PCDHGB2: variants seen among roughly 807,000 people sequenced by gnomAD.
The protein encoded by PCDHGB2 is protocadherin gamma-B2.
PCDHGB2 carries 55 observed loss-of-function variants against 59.3 expected under a neutral mutation model. The ratio of observed to expected loss-of-function variants is 0.93; its 90% CI spans 0.75 to 1.16. The LOEUF (loss-of-function observed/expected upper bound fraction) is 1.16, where lower values mean the gene tolerates loss of function less well. PCDHGB2 is among the 50% of genes most tolerant of loss of function. The probability of loss-of-function intolerance (pLI) is 0.00; values close to 1 mark genes in which losing one functional copy is unlikely to be tolerated. For synonymous variants in PCDHGB2, 516 were observed against 512.0 expected, an observed-to-expected ratio of 1.01 and a Z score of -0.11; for missense variants, 1,228 against 1,198.5, an observed-to-expected ratio of 1.02 and a Z score of -0.36.
rs1199102847 is a variant in PCDHGB2, at chr5:141,477,997, A to G, written c.2422-16810A>G. 2 of 1,614,112 alleles carry G rather than the reference A, an allele frequency of 1.2e-6. No individual in the cohort carries two copies. Among genetic ancestry groups the G allele is most frequent in the Non-Finnish European group, 1.7e-6 (2 of 1,180,016 alleles). On this transcript the variant is annotated intron_variant, in intron 1 of 3. Coordinates refer to ENST00000522605, the MANE Select transcript of PCDHGB2 (RefSeq NM_018923.3). This position sits in a 1 kb window ranked among gnomAD's most constrained non-coding sequence, Gnocchi z 4.9. ...TTGCCATAGGGCTGCACACTGGTCAAATCAGTACTGCCCGTCCAGTCCAAG... is the reference window on the plus strand; with the variant it reads ...TTGCCATAGGGCTGCACACTGGTCAGATCAGTACTGCCCGTCCAGTCCAAG...
chr5:141,424,365 T>A (rs933291305), intron 1 of PCDHGB2: 7 of 152,246 alleles, frequency 4.6e-5, no homozygotes, highest in African/African-American at 1.7e-4. Context: ...TAGATCACAT[T>A]TTTTCTTAAG....
chr5:141,473,237 A>C (rs2099317600), intron 1 of PCDHGB2, among the ~76,000 whole-genome samples: 1 of 152,194 alleles, frequency 6.6e-6, no homozygotes, highest in African/African-American at 2.4e-5. Context: ...GATCCACACA[A>C]GTGAATACAT....
chr5:141,471,630 G>T (rs2099261496), intron 1 of PCDHGB2: 1 of 152,108 alleles, frequency 6.6e-6, no homozygotes, highest in African/African-American at 2.4e-5. Context: ...GCATTGGTAT[G>T]GATTAGTAAT....
At chr5:141,479,358 GC>G (rs2154577546) in intron 1 of PCDHGB2, 1 of 152,584 alleles carries the variant, frequency 6.6e-6, no homozygotes, top group Non-Finnish European at 1.5e-5. Flanking sequence ...GCTGCTCAGT[GC>G]CTGAGGTGGG....
In PCDHGB2 at chr5:141,432,877, C is replaced by T. The variant is rs375043811; in HGVS notation, c.2422-61930C>T. 108 of 1,614,082 alleles carry T rather than the reference C, an allele frequency of 6.7e-5. No homozygotes were observed. Among genetic ancestry groups the T allele is most frequent in the Non-Finnish European group, 7.6e-5 (90 of 1,180,018 alleles). On this transcript the variant is annotated intron_variant, in intron 1 of 3. Coordinates refer to ENST00000522605, the MANE Select transcript of PCDHGB2 (RefSeq NM_018923.3). The surrounding 1 kb of genome is among the most constrained non-coding windows in gnomAD (Gnocchi z 6.0). Reference sequence around the variant, plus strand: ...CCGCGGTCTCCTGCGTCTTCCTGGCCTTCGTCATCTTGCTGCTGGCGCTCA... The same window carrying T: ...CCGCGGTCTCCTGCGTCTTCCTGGCTTTCGTCATCTTGCTGCTGGCGCTCA...
At chr5:141,447,163 G>T (rs11167747) in intron 1 of PCDHGB2, among the ~76,000 whole-genome samples, 6,233 of 151,894 alleles carry the variant, frequency 0.041, 196 homozygotes, top group Admixed American at 0.075. Flanking sequence ...TGTTTAAGCG[G>T]GGTCTTGCTC....
rs1384790784 is a variant in PCDHGB2, at chr5:141,431,800, G to T, written c.2422-63007G>T. 1 of 1,614,206 alleles carries T rather than the reference G, an allele frequency of 6.2e-7. No individual in the cohort carries two copies. Among genetic ancestry groups the T allele is most frequent in the African/African-American group, 1.3e-5 (1 of 75,054 alleles). ...ACGTGAACGACAATGCCCCAGAAGT[G>T]GTCCTCACCTCTCTCGCCAGCTCGG... On this transcript the variant is annotated intron_variant, in intron 1 of 3. Transcript: ENST00000522605. This position sits in a 1 kb window ranked among gnomAD's most constrained non-coding sequence, Gnocchi z 4.8.
chr5:141,443,417 T>C (rs1429905201), intron 1 of PCDHGB2, among the ~76,000 whole-genome samples: 3 of 152,132 alleles, frequency 2.0e-5, no homozygotes, highest in East Asian at 1.9e-4. Context: ...TCTGGGGAGA[T>C]TGAAGCTGCA....
intron 1 of PCDHGB2, chr5:141,478,644 T>C (rs1217932733): frequency 6.4e-7 from 1 of 1,552,238 alleles, no homozygotes. Flanking sequence ...GATGAAGATG[T>C]TTTCCTGGTG....
intron 1 of PCDHGB2, chr5:141,364,781 C>T (rs754157065): frequency 8.1e-6 from 13 of 1,613,988 alleles, no homozygotes; most frequent in Non-Finnish European, 1.0e-5. Flanking sequence ...TGCAGGGACA[C>T]GGTTAGTGCT....
In PCDHGB2 at chr5:141,360,250, G is replaced by T. The variant is rs1239162060; in HGVS notation, c.115G>T (p.Glu39Ter). The change falls in exon 1 of 4, where the codon GAG (glutamate) becomes TAG (stop). Residue 39 changes from glutamate to a stop codon, truncating the protein, a stop_gained. Coordinates refer to ENST00000522605, the MANE Select transcript of PCDHGB2 (RefSeq NM_018923.3). LOFTEE classifies it high-confidence loss of function. ...AGTCCAGATCCGCTATTCAATTCCAGAGGAGCTGGCCAAAAACTCGGTCGT... is the reference window on the plus strand; with the variant it reads ...AGTCCAGATCCGCTATTCAATTCCATAGGAGCTGGCCAAAAACTCGGTCGT... Reference protein sequence around the residue: ...LPVQIRYSIPEELAKNSVVGN... With the variant: ...LPVQIRYSIP The T allele has an allele frequency of 6.2e-7, 1 of 1,613,954 alleles. No individual in the cohort carries two copies. Among genetic ancestry groups the T allele is most frequent in the Non-Finnish European group, 8.5e-7 (1 of 1,179,886 alleles).
intron 1 of PCDHGB2, chr5:141,419,779 G>A (rs1439735185): frequency 1.2e-6 from 2 of 1,614,064 alleles, no homozygotes; most frequent in Non-Finnish European, 8.5e-7. Flanking sequence ...CGGTCCGCCA[G>A]CGCCTGCTAG....
rs764957747 is a variant in PCDHGB2, at chr5:141,505,453, G to A, written c.2541G>A (p.Leu847=). Residue 847 remains leucine (L), a synonymous_variant, in exon 3 of 4, where the codon CTG becomes CTA. Coordinates refer to ENST00000522605, the MANE Select transcript of PCDHGB2 (RefSeq NM_018923.3). ...ACAACCAGTTTGACACAGAGATGCT[G>A]CAAGCCATGATCTTGGCGTCCGCCA... ...WPNNQFDTEM[L]QAMILASASE... 3 of 1,614,190 alleles carry A rather than the reference G, an allele frequency of 1.9e-6. No individual in the cohort carries two copies. Among genetic ancestry groups the A allele is most frequent in the Non-Finnish European group, 2.5e-6 (3 of 1,180,012 alleles).
intron 1 of PCDHGB2, chr5:141,366,631 C>T (rs1330710940): frequency 3.7e-6 from 6 of 1,614,138 alleles, no homozygotes; most frequent in Non-Finnish European, 5.1e-6. Flanking sequence ...GGAAGAGTCA[C>T]CTGATCTTTC....
intron 1 of PCDHGB2, chr5:141,426,946 C>A (rs565370434): frequency 2.2e-6 from 1 of 456,786 alleles, no homozygotes; most frequent in South Asian, 1.5e-5. Flanking sequence ...CCAGTCCCAA[C>A]TGGCACTGCT....
intron 1 of PCDHGB2, chr5:141,424,104 A>G (rs1049098128): frequency 6.2e-6 from 5 of 812,458 alleles, no homozygotes; most frequent in Non-Finnish European, 6.1e-6. Flanking sequence ...ATTACTGCTA[A>G]TGTTCAAATT....
chr5:141,423,648 G>T, intron 1 of PCDHGB2: 1 of 1,590,008 alleles, frequency 6.3e-7, no homozygotes, highest in Admixed American at 1.8e-5. Context: ...AATGTGACCC[G>T]ACAAGTAATC....
intron 1 of PCDHGB2, among the ~76,000 whole-genome samples, chr5:141,406,301 A>C (rs1447923303): frequency 6.6e-6 from 1 of 151,966 alleles, no homozygotes; most frequent in Non-Finnish European, 1.5e-5. Context: ...TGAGGTGTGA[A>C]CCACCTCACC....
At chr5:141,465,488 G>A (rs2099104080) in intron 1 of PCDHGB2, among the ~76,000 whole-genome samples, 1 of 152,224 alleles carries the variant, frequency 6.6e-6, no homozygotes. Flanking sequence ...AGAGGAATGA[G>A]CGGGAGCATT....
Sources: gnomAD v4.1 joint callset for allele counts (sites outside exome capture counted in the v4.1 genomes callset) on GRCh38, gnomAD v4.1.1 for gene constraint, Gnocchi (gnomAD v3.1) non-coding constraint, MANE v1.5 for transcripts, NCBI Gene and HGNC (gene_info 2026-07-23, HGNC 2026-07-21) for gene names.